The following TTYH3 variants were observed in gnomAD, a reference collection of about 807,000 sequenced individuals.
TTYH3 encodes tweety family member 3, also known as protein tweety homolog 3.
A neutral mutation model predicts 68.2 loss-of-function variants in TTYH3; 23 were observed. That is an observed-to-expected ratio of 0.34 (90% CI 0.24 to 0.48). TTYH3 has a LOEUF of 0.48. TTYH3 is among the 20% of genes least tolerant of loss of function. TTYH3 has a pLI of 0.99. For missense variants in TTYH3, 768 were observed against 727.7 expected, an observed-to-expected ratio of 1.06 and a Z score of -0.64; for synonymous variants, 360 against 332.8, an observed-to-expected ratio of 1.08 and a Z score of -0.89.
At chr7:2,643,571 C>T (rs755030570) in intron 1 of TTYH3, among the ~76,000 whole-genome samples, 2 of 152,224 alleles carry the variant, frequency 1.3e-5, no homozygotes, top group African/African-American at 2.4e-5. Context: ...CGTCCCCTGC[C>T]CACTGCCCCT....
chr7:2,648,170 G>A, intron 5 of TTYH3, 116 bp downstream of exon 5: 1 of 977,300 alleles, frequency 1.0e-6, no homozygotes, highest in Non-Finnish European at 1.5e-6. Flanking sequence ...CTGCGGTGGG[G>A]GCTGAGCGGG....
chr7:2,635,955 A>C (rs2114971024), intron 1 of TTYH3, among the ~76,000 whole-genome samples: 1 of 152,334 alleles, frequency 6.6e-6, no homozygotes, highest in Admixed American at 6.5e-5. Context: ...CCTCAGCCCC[A>C]CGTGCCAGAG....
At chr7:2,647,371 G>T in intron 3 of TTYH3, 47 bp from the exon 4 acceptor site, 2 of 1,462,768 alleles carry the variant, frequency 1.4e-6, no homozygotes, top group South Asian at 1.4e-5. Context: ...CAGACTCTGG[G>T]GCGAGGCGGG....
rs1786036057 is a variant in TTYH3, at chr7:2,647,630, C to T, written c.618C>T (p.Asp206=). ...TGGCGGAGCAGGTGGATCTCTACGA[C>T]TGGTACAGGTGCGGCCAGGCCCTCT... ...EVLAEQVDLY[D]WYRWLGYLGL... is the part of the protein sequence containing the mutation. Residue 206 remains aspartate (D), a synonymous_variant, in exon 4 of 14, where the codon GAC becomes GAT. Coordinates refer to ENST00000258796, the MANE Select transcript of TTYH3 (RefSeq NM_025250.3). The T allele has an allele frequency of 6.4e-7, 1 of 1,568,528 alleles. No individual in the cohort carries two copies. The highest frequency in any genetic ancestry group is 2.4e-5 in the East Asian group (1 of 42,278).
intron 1 of TTYH3, 142 bp downstream of exon 1, chr7:2,632,420 G>A (rs1785547302): frequency 3.5e-6 from 3 of 860,886 alleles, no homozygotes; most frequent in South Asian, 2.4e-5. Context: ...CTCCTCGCAG[G>A]TACCGGCCTC....
At chr7:2,633,455 G>A (rs1469941185) in intron 1 of TTYH3, among the ~76,000 whole-genome samples, 1 of 152,118 alleles carries the variant, frequency 6.6e-6, no homozygotes, top group Admixed American at 6.5e-5. Flanking sequence ...CAGCCGAGCC[G>A]ATGACGTTTC....
At chr7:2,659,825 C>T in intron 13 of TTYH3, 1 of 1,214,124 alleles carries the variant, frequency 8.2e-7, no homozygotes. Context: ...GCTCGGCTGC[C>T]CTCGTCCTCG....
At chr7:2,651,606 C>T (rs1786179192) in intron 7 of TTYH3, among the ~76,000 whole-genome samples, 1 of 152,232 alleles carries the variant, frequency 6.6e-6, no homozygotes, top group Non-Finnish European at 1.5e-5. Context: ...GTGTGAGCTC[C>T]AGCCTGCGGG....
intron 1 of TTYH3, among the ~76,000 whole-genome samples, chr7:2,634,056 G>T (rs1435604142): frequency 6.6e-6 from 1 of 152,224 alleles, no homozygotes; most frequent in Non-Finnish European, 1.5e-5. Flanking sequence ...GCTCTGCTCT[G>T]CTGTGGGAGG....
intron 1 of TTYH3, among the ~76,000 whole-genome samples, chr7:2,638,020 C>T (rs890963670): frequency 1.3e-5 from 2 of 152,230 alleles, no homozygotes; most frequent in Admixed American, 1.3e-4. Context: ...GGCCTGTGCA[C>T]GCTGGCTGGG....
chr7:2,662,170 C>T lies in TTYH3; in HGVS notation c.*431C>T. The T allele has an allele frequency of 3.2e-6, 1 of 314,846 alleles. No homozygotes were observed. The highest frequency in any genetic ancestry group is 6.1e-6 in the Non-Finnish European group (1 of 165,288). 19.5% of individuals were successfully genotyped at this position (314,846 alleles called of 1,614,324 possible). ...CGGCTGGGGCCGCTCTGTGCTGGCG[C>T]CTGCTGGCCACTGAGGGACAGGGAC... is the stretch of plus-strand genomic sequence containing the variant. On this transcript the variant is annotated 3_prime_UTR_variant, in exon 14 of 14. Coordinates refer to ENST00000258796, the MANE Select transcript of TTYH3 (RefSeq NM_025250.3).
intron 1 of TTYH3, among the ~76,000 whole-genome samples, chr7:2,643,752 A>G (rs1308727763): frequency 6.6e-6 from 1 of 152,104 alleles, no homozygotes; most frequent in African/African-American, 2.4e-5. Context: ...AAGCCCTTTG[A>G]TGTACGCTGA....
intron 1 of TTYH3, among the ~76,000 whole-genome samples, chr7:2,646,595 T>C (rs1419222305): frequency 6.6e-6 from 1 of 152,190 alleles, no homozygotes; most frequent in Non-Finnish European, 1.5e-5. Flanking sequence ...CTAGTGGCTA[T>C]GGAGTCTTCA....
chr7:2,660,212 G>A (rs1200618213), intron 13 of TTYH3: 6 of 985,306 alleles, frequency 6.1e-6, no homozygotes, highest in South Asian at 9.4e-5. Flanking sequence ...TTCTAATGCC[G>A]GCTCTGGGCC....
intron 1 of TTYH3, among the ~76,000 whole-genome samples, chr7:2,640,454 C>T (rs1785810144): frequency 6.6e-6 from 1 of 152,188 alleles, no homozygotes; most frequent in African/African-American, 2.4e-5. Context: ...GTGCACCCTC[C>T]CGAGTGGCAT....
intron 11 of TTYH3, among the ~76,000 whole-genome samples, chr7:2,657,324 TG>T (rs1466876582): frequency 2.0e-5 from 3 of 152,104 alleles, no homozygotes; most frequent in African/African-American, 7.2e-5. Context: ...GTGATGGTGA[TG>T]GTGGTAATGA....
At chr7:2,633,946 T>C (rs1785591351) in intron 1 of TTYH3, among the ~76,000 whole-genome samples, 1 of 152,166 alleles carries the variant, frequency 6.6e-6, no homozygotes, top group Non-Finnish European at 1.5e-5. Context: ...CTCCGGGCAG[T>C]AGCCAGGCCC....
At chr7:2,658,172 C>A in intron 11 of TTYH3, 114 bp from the exon 12 acceptor site, 1 of 1,162,896 alleles carries the variant, frequency 8.6e-7, no homozygotes, top group South Asian at 1.7e-5. Context: ...TGCACACGGC[C>A]GAGCCAGAAC....
Position 2,652,941 on chromosome 7 carries a change from A to G in TTYH3, c.951A>G (p.Ala317=). 1 of 1,574,546 alleles carries G rather than the reference A, an allele frequency of 6.4e-7. No homozygotes were observed. Among genetic ancestry groups the G allele is most frequent in the Non-Finnish European group, 8.6e-7 (1 of 1,160,206 alleles). ...FQQKLSGSHK[A]LVEMQDVVAE... is the part of the protein sequence containing the mutation. The stretch of plus-strand genomic sequence containing the variant: ...AGAAGCTGTCGGGCAGCCACAAGGC[A>G]CTGGTGGAGATGCAGGATGTCGTGG... The change falls in exon 9 of 14, where the codon GCA becomes GCG. Residue 317 remains alanine, a synonymous_variant. Coordinates refer to ENST00000258796, the MANE Select transcript of TTYH3 (RefSeq NM_025250.3).
Sources: allele counts gnomAD v4.1 joint callset (sites outside exome capture counted in the v4.1 genomes callset), GRCh38; gene constraint gnomAD v4.1.1; transcripts MANE v1.5; gene names NCBI Gene and HGNC (gene_info 2026-07-23, HGNC 2026-07-21).